The following RAB8A variants were observed in gnomAD, a reference collection of about 807,000 sequenced individuals.
The protein encoded by RAB8A is ras-related protein Rab-8A.
Under a neutral mutation model 29.2 loss-of-function variants are expected in RAB8A, and 5 were observed. That is an observed-to-expected ratio of 0.17 (90% confidence interval 0.09 to 0.36). The LOEUF is 0.36. RAB8A is among the 10% of genes least tolerant of loss of function. RAB8A has a pLI of 1.00. For missense variants in RAB8A, 171 were observed against 272.2 expected, an observed-to-expected ratio of 0.63 and a Z score of 2.62; for synonymous variants, 108 against 99.9, an observed-to-expected ratio of 1.08 and a Z score of -0.49.
intron 7 of RAB8A, among the ~76,000 whole-genome samples, chr19:16,131,904 T>C (rs573941141): frequency 7.6e-6 from 1 of 131,776 alleles, no homozygotes; most frequent in East Asian, 2.3e-4. Context: ...GGTTGGATGG[T>C]TGGAAGGGGA....
At chr19:16,119,499 C>A (rs1373628019) in intron 2 of RAB8A, among the ~76,000 whole-genome samples, 1 of 152,018 alleles carries the variant, frequency 6.6e-6, no homozygotes, top group South Asian at 2.1e-4. Flanking sequence ...GCCACCACGC[C>A]CGGCCCTACT....
At chr19:16,113,209 G>A (rs538008642) in intron 1 of RAB8A, among the ~76,000 whole-genome samples, 18 of 152,170 alleles carry the variant, frequency 1.2e-4, no homozygotes, top group Non-Finnish European at 2.5e-4. Flanking sequence ...TGTGAGCTCT[G>A]TAGCCCTGCT....
chr19:16,131,063 A>G (rs1239773263), intron 7 of RAB8A, among the ~76,000 whole-genome samples: 5 of 152,066 alleles, frequency 3.3e-5, no homozygotes, highest in Non-Finnish European at 5.9e-5. Flanking sequence ...ACCTCAGGTG[A>G]TCCACCTGCC....
chr19:16,119,197 C>CTCTTCTTT (rs2090861396), intron 2 of RAB8A, among the ~76,000 whole-genome samples: 1 of 152,070 alleles, frequency 6.6e-6, no homozygotes. Context: ...TGCTATTCAC[C>CTCTTCTTT]TCTTCTTTTT....
In RAB8A at chr19:16,111,937, G is replaced by A. The variant is rs1218128532; in HGVS notation, c.36G>A (p.Leu12=). ...CCTACGATTACCTGTTCAAGCTGCT[G>A]CTGATCGGGGACTCGGGGGTGGGGA... is the stretch of plus-strand genomic sequence containing the variant. The part of the protein sequence containing the change: ...AKTYDYLFKL[L]LIGDSGVGKT... The change falls in exon 1 of 8, where the codon CTG becomes CTA. Residue 12 remains leucine, a synonymous_variant. Coordinates refer to ENST00000300935, the MANE Select transcript of RAB8A (RefSeq NM_005370.5). The A allele has an allele frequency of 1.9e-6, 3 of 1,614,078 alleles. No individual in the cohort carries two copies. Among genetic ancestry groups the A allele is most frequent in the South Asian group, 1.1e-5 (1 of 91,088 alleles).
At chr19:16,129,762 C>T (rs534601001) in intron 7 of RAB8A, among the ~76,000 whole-genome samples, 158 bp downstream of exon 7, 1 of 152,292 alleles carries the variant, frequency 6.6e-6, no homozygotes, top group South Asian at 2.1e-4. Flanking sequence ...GCAGGTGTGG[C>T]TGGGGCATCA....
At chr19:16,123,572 A>C (rs1465251096) in intron 3 of RAB8A, 9 of 152,168 alleles carry the variant, frequency 5.9e-5, no homozygotes, top group Admixed American at 2.0e-4. Flanking sequence ...GCACCACTGC[A>C]CTCCAGTCTG....
rs138768766 is a variant in RAB8A at position 16,113,268 on chromosome 19, C to T, written c.124+1243C>T. 6.6e-5 allele frequency among the ~76,000 whole-genome samples: 10 copies of T among 152,274 alleles called. No individual in the cohort carries two copies. In the East Asian group the frequency reaches 1.5e-3, roughly 23 times the overall value. On this transcript the variant is annotated intron_variant, in intron 1 of 7. Transcript: ENST00000300935. ...GGTCACTAAGTCCAGGAGTTTATTC[C>T]GACTCAAGAAAACCTAGGGAATGGC...
chr19:16,125,306 G>C lies in RAB8A; in HGVS notation c.247-164G>C. 6.3e-6 allele frequency: 4 copies of C among 639,810 alleles called. No individual in the cohort carries two copies. The highest frequency in any genetic ancestry group is 4.1e-4 in the Middle Eastern group (1 of 2,410). The allele number at this position is 639,810 out of a possible 1,614,324, so 39.6% of individuals were successfully genotyped here. A position where few individuals can be genotyped will look rare whatever the true frequency, so the allele number is the denominator to read the frequency against. ...AGAAGGGCCACAGGGATGGAGAGGA[G>C]GGGGCTGGCTTCCGGGGCTCCACAG... On this transcript the variant is annotated intron_variant, in intron 3 of 7. Coordinates refer to ENST00000300935, the MANE Select transcript of RAB8A (RefSeq NM_005370.5). This position sits in a 1 kb window ranked among gnomAD's most constrained non-coding sequence, Gnocchi z 5.0.
At chr19:16,128,815 A>G (rs2090912979) in intron 6 of RAB8A, among the ~76,000 whole-genome samples, 2 of 152,176 alleles carry the variant, frequency 1.3e-5, no homozygotes, top group African/African-American at 2.4e-5. Flanking sequence ...TTTTCTAGTC[A>G]GGGCCTGGCC....
In RAB8A at chr19:16,134,177, C is replaced by G. The variant is rs2090943722; in HGVS notation, c.*1873C>G. 1 of 152,340 alleles carries G rather than the reference C, an allele frequency of 6.6e-6. No individual in the cohort carries two copies. The highest frequency in any genetic ancestry group is 2.1e-4 in the South Asian group (1 of 4,838). 9.4% of individuals were successfully genotyped at this position (152,340 alleles called of 1,614,324 possible). Reference sequence around the variant, plus strand: ...ACCAGACAGAAGCATCCAGAATCCTCTCACAGTGGGGTCACACACCCCATG... The same window carrying G: ...ACCAGACAGAAGCATCCAGAATCCTGTCACAGTGGGGTCACACACCCCATG... On this transcript the variant is annotated 3_prime_UTR_variant, in exon 8 of 8. Coordinates refer to ENST00000300935, the MANE Select transcript of RAB8A (RefSeq NM_005370.5).
chr19:16,119,151 G>C (rs2090861141), intron 2 of RAB8A, among the ~76,000 whole-genome samples: 1 of 152,158 alleles, frequency 6.6e-6, no homozygotes, highest in Non-Finnish European at 1.5e-5. Flanking sequence ...CCACTTGCCA[G>C]TTTCAGGGAG....
intron 2 of RAB8A, among the ~76,000 whole-genome samples, chr19:16,119,004 A>G (rs973791260): frequency 2.0e-5 from 3 of 152,194 alleles, no homozygotes; most frequent in African/African-American, 7.2e-5. Flanking sequence ...AGCAAAACAA[A>G]GAGAAGTCAC....
At position 16,119,887 on chromosome 19, in the gene RAB8A, C is replaced by T. The variant is rs1369650981; in HGVS notation, c.185+1601C>T. ...GGAGTGCAGTGGCACGATTTTGGCT[C>T]ACTGCAACCTCCGCCTCCTGGGTTC... is the stretch of plus-strand genomic sequence containing the variant. On this transcript the variant is annotated intron_variant, in intron 2 of 7. Coordinates refer to ENST00000300935, the MANE Select transcript of RAB8A (RefSeq NM_005370.5). Among the ~76,000 whole-genome samples the T allele has an allele frequency of 2.0e-5, 3 of 151,846 alleles. No homozygotes were observed. The East Asian group carries it at 5.8e-4, about 29-fold the overall frequency.
At chr19:16,130,198 C>G (rs554425113) in intron 7 of RAB8A, among the ~76,000 whole-genome samples, 66 of 151,978 alleles carry the variant, frequency 4.3e-4, no homozygotes, top group African/African-American at 1.5e-3. Context: ...CCGCTGCGCT[C>G]AGTATCAATG....
rs2090897306 is a variant in RAB8A at position 16,125,668 on chromosome 19, A to T, written c.324+121A>T. The T allele has an allele frequency of 1.1e-6, 1 of 934,000 alleles. No individual in the cohort carries two copies. Among genetic ancestry groups the T allele is most frequent in the East Asian group, 2.6e-5 (1 of 38,164 alleles). 57.9% of individuals were successfully genotyped at this position (934,000 alleles called of 1,614,324 possible). Reference sequence around the variant, plus strand: ...ACAGGCCACTTGCCCACAGCCTCCTAGTCAGGGACATGGTGGGAGCAGGGA... The same window carrying T: ...ACAGGCCACTTGCCCACAGCCTCCTTGTCAGGGACATGGTGGGAGCAGGGA... On this transcript the variant is annotated intron_variant, in intron 4 of 7. Coordinates refer to ENST00000300935, the MANE Select transcript of RAB8A (RefSeq NM_005370.5). The surrounding 1 kb of genome is among the most constrained non-coding windows in gnomAD (Gnocchi z 5.0).
Position 16,125,170 on chromosome 19 carries a change from G to T in RAB8A, c.247-300G>T. 2.0e-6 allele frequency: 1 copy of T among 490,620 alleles called. No individual in the cohort carries two copies. Among genetic ancestry groups the T allele is most frequent in the Non-Finnish European group, 3.7e-6 (1 of 266,856 alleles). 30.4% of individuals were successfully genotyped at this position (490,620 alleles called of 1,614,324 possible). A position where few individuals can be genotyped will look rare whatever the true frequency, so the allele number is the denominator to read the frequency against. The stretch of plus-strand genomic sequence containing the variant: ...TGCACCACCCCGTGGGCCATGAGGG[G>T]AGCCAGCCGGGCTTGTCAGCGAGTG... On this transcript the variant is annotated intron_variant, in intron 3 of 7. Transcript: ENST00000300935. This position sits in a 1 kb window ranked among gnomAD's most constrained non-coding sequence, Gnocchi z 5.0.
chr19:16,115,549 G>T (rs1287277293), intron 1 of RAB8A, among the ~76,000 whole-genome samples: 3 of 152,170 alleles, frequency 2.0e-5, no homozygotes, highest in Non-Finnish European at 4.4e-5. Flanking sequence ...TCCAGTGAAA[G>T]GGTTGGCATT....
chr19:16,127,369 G>A lies in RAB8A; in HGVS notation c.325-68G>A, dbSNP rs2090906645. ...CCGCTCTGATTTCTGGGGACAGACT[G>A]TGTGTTGGCAGAGGCACCTGGCCTG... On this transcript the variant is annotated intron_variant, in intron 4 of 7. Coordinates refer to ENST00000300935, the MANE Select transcript of RAB8A (RefSeq NM_005370.5). The surrounding 1 kb of genome is among the most constrained non-coding windows in gnomAD (Gnocchi z 4.8). 4 of 1,047,040 alleles carry A rather than the reference G, an allele frequency of 3.8e-6. No individual in the cohort carries two copies. The South Asian group carries it at 7.6e-5, about 20-fold the overall frequency. 64.9% of individuals were successfully genotyped at this position (1,047,040 alleles called of 1,614,324 possible).
Sources: gnomAD v4.1 joint callset for allele counts (sites outside exome capture counted in the v4.1 genomes callset) on GRCh38, gnomAD v4.1.1 for gene constraint, Gnocchi (gnomAD v3.1) non-coding constraint, MANE v1.5 for transcripts, NCBI Gene and HGNC (gene_info 2026-07-23, HGNC 2026-07-21) for gene names.